ZNRF3: variants seen among roughly 807,000 people sequenced by gnomAD.
The protein encoded by ZNRF3 is zinc and ring finger 3, also known as E3 ubiquitin-protein ligase ZNRF3.
In ZNRF3, 23 loss-of-function variants were observed where a neutral mutation model predicts 72.5. The observed-to-expected ratio is 0.32, with a 90% CI of 0.23 to 0.45. The LOEUF (loss-of-function observed/expected upper bound fraction) is 0.45, where lower values mean the gene tolerates loss of function less well. ZNRF3 is among the 20% of genes least tolerant of loss of function. The pLI is 1.00. For missense variants in ZNRF3, 1,169 were observed against 1,272.1 expected, an observed-to-expected ratio of 0.92 and a Z score of 1.23; for synonymous variants, 610 against 545.3, an observed-to-expected ratio of 1.12 and a Z score of -1.65.
intron 1 of ZNRF3, among the ~76,000 whole-genome samples, chr22:28,895,836 G>C (rs2033983338): frequency 6.6e-6 from 1 of 152,180 alleles, no homozygotes; most frequent in South Asian, 2.1e-4. Context: ...TTGAATTCCA[G>C]AAAATCTTCC....
chr22:28,974,696 C>T (rs543966043), intron 1 of ZNRF3, among the ~76,000 whole-genome samples: 5 of 152,168 alleles, frequency 3.3e-5, no homozygotes, highest in Non-Finnish European at 5.9e-5. Flanking sequence ...TCCAGGCTGG[C>T]GCGCCATGGC....
At chr22:28,980,323 A>G (rs974699594) in intron 1 of ZNRF3, among the ~76,000 whole-genome samples, 7 of 152,222 alleles carry the variant, frequency 4.6e-5, no homozygotes, top group African/African-American at 1.4e-4. Flanking sequence ...TTTCCCCACT[A>G]AACAATATAG....
chr22:28,957,643 G>A (rs2035283605), intron 1 of ZNRF3, among the ~76,000 whole-genome samples: 1 of 151,922 alleles, frequency 6.6e-6, no homozygotes, highest in Admixed American at 6.5e-5. Flanking sequence ...GTTTCACCAT[G>A]TTGGCCAGGC....
Position 29,050,164 on chromosome 22 carries a change from C to T in ZNRF3, c.1983C>T (p.Cys661=), listed in dbSNP as rs2037169355. ...CCTCGGGGGATCAGGTGTCCACCTG[C>T]AGCCTGGAGATGAACTACAGCAGCA... is the stretch of plus-strand genomic sequence containing the variant. ...ASPSGDQVST[C]SLEMNYSSNS... is the part of the protein sequence containing the mutation. Residue 661 remains cysteine, a synonymous_variant, in exon 8 of 9, where the codon TGC becomes TGT. Coordinates refer to ENST00000544604, the MANE Select transcript of ZNRF3 (RefSeq NM_001206998.2). The T allele has an allele frequency of 6.2e-7, 1 of 1,603,534 alleles. No individual in the cohort carries two copies. Among genetic ancestry groups the T allele is most frequent in the Non-Finnish European group, 8.5e-7 (1 of 1,179,872 alleles).
intron 1 of ZNRF3, among the ~76,000 whole-genome samples, chr22:28,915,748 T>G (rs1226550596): frequency 2.6e-5 from 4 of 152,228 alleles, no homozygotes; most frequent in African/African-American, 9.6e-5. Flanking sequence ...CCGAAAAAGA[T>G]TAAAAGGCTA....
intron 1 of ZNRF3, among the ~76,000 whole-genome samples, chr22:28,887,122 G>GAA (rs534665241): frequency 1.3e-5 from 2 of 152,014 alleles, no homozygotes; most frequent in African/African-American, 4.8e-5. Context: ...GTTTAGGGGA[G>GAA]AAAAAACCTG....
chr22:29,044,766 G>C lies in ZNRF3; in HGVS notation c.634-14G>C. 6.3e-7 allele frequency: 1 copy of C among 1,588,952 alleles called. No individual in the cohort carries two copies. Among genetic ancestry groups the C allele is most frequent in the Non-Finnish European group, 8.6e-7 (1 of 1,157,050 alleles). On this transcript the variant is annotated splice_polypyrimidine_tract_variant and intron_variant, in intron 4 of 8. Coordinates refer to ENST00000544604, the MANE Select transcript of ZNRF3 (RefSeq NM_001206998.2). Reference sequence around the variant, plus strand: ...AGAGAGGCTGTGACTCACTGTGTCTGTGTTCCGTTCCAGCAACCCACTGAA... The same window carrying C: ...AGAGAGGCTGTGACTCACTGTGTCTCTGTTCCGTTCCAGCAACCCACTGAA...
intron 2 of ZNRF3, among the ~76,000 whole-genome samples, chr22:29,028,336 G>A (rs1021600299): frequency 8.5e-5 from 13 of 152,122 alleles, no homozygotes; most frequent in African/African-American, 2.2e-4. Flanking sequence ...GAGTGTGATA[G>A]GCAGCAAGGG....
intron 1 of ZNRF3, among the ~76,000 whole-genome samples, chr22:28,925,475 G>C (rs1465401004): frequency 6.6e-6 from 1 of 152,094 alleles, no homozygotes; most frequent in Non-Finnish European, 1.5e-5. Context: ...TGAATTGTCT[G>C]TAAGTTACTG....
chr22:28,920,940 C>T (rs2034500775), intron 1 of ZNRF3, among the ~76,000 whole-genome samples: 1 of 152,216 alleles, frequency 6.6e-6, no homozygotes, highest in Non-Finnish European at 1.5e-5. Flanking sequence ...TGATTTGCCC[C>T]CAGTCACACA....
chr22:28,936,822 T>A (rs987748722), intron 1 of ZNRF3, among the ~76,000 whole-genome samples: 3 of 152,178 alleles, frequency 2.0e-5, no homozygotes, highest in Admixed American at 2.0e-4. Context: ...ATAAAAATTC[T>A]AGGCGTCTTC....
chr22:28,970,657 A>T (rs1476060051), intron 1 of ZNRF3, among the ~76,000 whole-genome samples: 1 of 152,236 alleles, frequency 6.6e-6, no homozygotes, highest in African/African-American at 2.4e-5. Flanking sequence ...CATACAGTGG[A>T]CCACTACTCT....
chr22:29,006,552 C>A (rs2036252837), intron 2 of ZNRF3, among the ~76,000 whole-genome samples: 1 of 152,108 alleles, frequency 6.6e-6, no homozygotes, highest in Non-Finnish European at 1.5e-5. Flanking sequence ...CTTTCCTTAT[C>A]GTTCCTGGTT....
intron 2 of ZNRF3, among the ~76,000 whole-genome samples, chr22:29,034,170 A>G (rs1421948778): frequency 6.6e-6 from 1 of 152,232 alleles, no homozygotes; most frequent in Non-Finnish European, 1.5e-5. Context: ...CACCCAGGAC[A>G]GCAGCAAGTG....
chr22:28,980,688 T>C (rs1158489330), intron 1 of ZNRF3, among the ~76,000 whole-genome samples: 1 of 152,254 alleles, frequency 6.6e-6, no homozygotes, highest in African/African-American at 2.4e-5. Flanking sequence ...TTTTCTGTTA[T>C]ATCCTTGCAC....
At chr22:28,917,268 AACACACACACACACACACAC>A (rs10533572) in intron 1 of ZNRF3, 43 of 171,494 alleles carry the variant, frequency 2.5e-4, no homozygotes, top group Non-Finnish European at 4.1e-4. Flanking sequence ...TTGGGGATAA[AACACACACACACACACACAC>A]ACACACACAC....
chr22:28,959,369 C>T (rs1569261507), intron 1 of ZNRF3, among the ~76,000 whole-genome samples: 1 of 152,288 alleles, frequency 6.6e-6, no homozygotes, highest in Middle Eastern at 3.4e-3. Context: ...TAGTCTAGTT[C>T]GGGTTGGAGA....
intron 1 of ZNRF3, among the ~76,000 whole-genome samples, chr22:28,904,463 T>C (rs2034167337): frequency 6.6e-6 from 1 of 152,224 alleles, no homozygotes; most frequent in Non-Finnish European, 1.5e-5. Context: ...GATCACAGGC[T>C]CACATGTTGA....
chr22:29,051,064 C>G, intron 8 of ZNRF3, 116 bp downstream of exon 8: 1 of 1,218,234 alleles, frequency 8.2e-7, no homozygotes, highest in South Asian at 1.6e-5. Flanking sequence ...TAAACACCAT[C>G]TGAGGCTGAA....
Sources: allele counts gnomAD v4.1 joint callset (sites outside exome capture counted in the v4.1 genomes callset), GRCh38; gene constraint gnomAD v4.1.1; transcripts MANE v1.5; gene names NCBI Gene and HGNC (gene_info 2026-07-23, HGNC 2026-07-21).